The following TSPAN9 variants were observed in gnomAD, a reference collection of about 807,000 sequenced individuals.
TSPAN9 encodes the protein tetraspanin 9, also known as tetraspanin-9.
Under a neutral mutation model 31.0 loss-of-function variants are expected in TSPAN9, and 16 were observed. The observed-to-expected ratio is 0.52, with a 90% CI of 0.35 to 0.78. The LOEUF is 0.78. Ranked by LOEUF, TSPAN9 falls within the 30% of genes least tolerant of loss-of-function variation. TSPAN9 has a pLI of 0.01. For synonymous variants in TSPAN9, 145 were observed against 121.6 expected, an observed-to-expected ratio of 1.19 and a Z score of -1.27; for missense variants, 272 against 312.5, an observed-to-expected ratio of 0.87 and a Z score of 0.98.
chr12:3,205,727 C>CCT (rs1555151754), intron 3 of TSPAN9, among the ~76,000 whole-genome samples: 1 of 37,904 alleles, frequency 2.6e-5, no homozygotes, highest in African/African-American at 5.4e-5. Context: ...GGCCCCCCCC[C>CCT]CCCAGAGTGC....
intron 3 of TSPAN9, chr12:3,206,539 T>C: frequency 4.6e-6 from 1 of 218,360 alleles, no homozygotes; most frequent in Admixed American, 4.7e-5. Context: ...CTCTGAAATG[T>C]TTATTCCTGT....
At chr12:3,281,487 TGGG>T (rs1180254512) in intron 7 of TSPAN9, among the ~76,000 whole-genome samples, 158 bp downstream of exon 7, 1 of 134,992 alleles carries the variant, frequency 7.4e-6, no homozygotes, top group African/African-American at 2.8e-5. Context: ...AGGTGGAAAA[TGGG>T]GGGTGGGGCT....
chr12:3,151,988 G>A (rs773925109), intron 2 of TSPAN9, among the ~76,000 whole-genome samples: 3 of 152,222 alleles, frequency 2.0e-5, no homozygotes, highest in Admixed American at 6.5e-5. Context: ...ACAATCAGGC[G>A]TAAGTAAATT....
At chr12:3,201,843 C>T (rs541727342) in intron 3 of TSPAN9, among the ~76,000 whole-genome samples, 21 of 152,298 alleles carry the variant, frequency 1.4e-4, no homozygotes, top group African/African-American at 4.3e-4. Context: ...CAGATATGCT[C>T]CCGAGTTGGG....
intron 2 of TSPAN9, among the ~76,000 whole-genome samples, chr12:3,110,314 G>A (rs1473440074): frequency 2.0e-5 from 3 of 152,154 alleles, no homozygotes; most frequent in Non-Finnish European, 4.4e-5. Flanking sequence ...TCTGCTCTAG[G>A]AAATATTAAC....
rs71577820 is a variant in TSPAN9, at chr12:3,201,093, G to T, written c.-17-84G>T. The T allele has an allele frequency of 1.0e-3, 1,360 of 1,307,812 alleles. 2 individuals carry two copies. Among genetic ancestry groups the T allele is most frequent in the South Asian group, 2.2e-3 (180 of 80,256 alleles). 81.0% of individuals were successfully genotyped at this position (1,307,812 alleles called of 1,614,324 possible). A position where few individuals can be genotyped will look rare whatever the true frequency, so the allele number is the denominator to read the frequency against. ...CGGGGCCAGAGCCGCGCCGAGGCCG[G>T]CGTTAAGACCGACAAGTGCAATGCA... On this transcript the variant is annotated intron_variant, in intron 2 of 8. Transcript: ENST00000011898.
chr12:3,226,777 TATA>T lies in TSPAN9; in HGVS notation c.63+25522_63+25524del. On this transcript the variant is annotated intron_variant, in intron 3 of 8. Transcript: ENST00000011898. ...ATATATATATATATATATATATATA[TATA>T]TATATATATATATATTTTTTTTTTT... is the stretch of plus-strand genomic sequence containing the variant. 2.0e-3 allele frequency among the ~76,000 whole-genome samples: 14 copies of T among 7,154 alleles called. 4 individuals carry two copies. Among genetic ancestry groups the T allele is most frequent in the Non-Finnish European group, 3.4e-3 (11 of 3,220 alleles). 4.7% of individuals were successfully genotyped at this position (7,154 alleles called of 152,430 possible).
rs938013325 is a variant in TSPAN9 at position 3,285,633 on chromosome 12, G to A, written c.*2517G>A. 6.6e-5 allele frequency: 10 copies of A among 152,260 alleles called. No individual in the cohort carries two copies. The highest frequency in any genetic ancestry group is 2.6e-4 in the Admixed American group (4 of 15,290). 9.4% of individuals were successfully genotyped at this position (152,260 alleles called of 1,614,324 possible). ...GCCACACCCAGCGATGCCAGTGAAG[G>A]TGGCACAGCCTCTCTTCAGTTTCTC... On this transcript the variant is annotated 3_prime_UTR_variant, in exon 9 of 9. Transcript: ENST00000011898.
chr12:3,164,312 G>A (rs887954241), intron 2 of TSPAN9, among the ~76,000 whole-genome samples: 2 of 152,244 alleles, frequency 1.3e-5, no homozygotes, highest in Admixed American at 6.5e-5. Context: ...TGAAAGAGGA[G>A]TTTGCTTTAC....
At chr12:3,221,357 TC>T (rs57225237) in intron 3 of TSPAN9, among the ~76,000 whole-genome samples, 18,875 of 94,184 alleles carry the variant, frequency 0.2, 1,998 homozygotes, top group South Asian at 0.51. Context: ...AAAATATTTT[TC>T]TCTTTTTTTT....
intron 2 of TSPAN9, among the ~76,000 whole-genome samples, chr12:3,105,690 G>C (rs558243560): frequency 4.5e-4 from 68 of 152,008 alleles, no homozygotes; most frequent in African/African-American, 1.5e-3. Context: ...CTCAAGGAGT[G>C]TACATGCCCC....
chr12:3,084,911 G>C (rs2098299656), intron 2 of TSPAN9, among the ~76,000 whole-genome samples: 1 of 152,210 alleles, frequency 6.6e-6, no homozygotes, highest in Non-Finnish European at 1.5e-5. Flanking sequence ...CCCTGAGCCT[G>C]CTTGTGGCAG....
chr12:3,204,251 G>A (rs1355203720), intron 3 of TSPAN9, among the ~76,000 whole-genome samples: 3 of 152,180 alleles, frequency 2.0e-5, no homozygotes, highest in Admixed American at 6.5e-5. Flanking sequence ...CAAACTCACC[G>A]CTGCCGCCAC....
intron 2 of TSPAN9, among the ~76,000 whole-genome samples, chr12:3,146,320 A>T (rs2098337233): frequency 6.6e-6 from 1 of 151,990 alleles, no homozygotes. Context: ...GCCCTCGGGG[A>T]GCTTAGGGTG....
chr12:3,283,071 C>T lies in TSPAN9; in HGVS notation c.675C>T (p.Thr225=). The part of the protein sequence containing the change: ...MQILGMAFSM[T]LFQHIHRTGK... ...TCCTGGGCATGGCCTTCTCCATGACCCTCTTCCAGCACATCCACCGGACTG... is the reference window on the plus strand; with the variant it reads ...TCCTGGGCATGGCCTTCTCCATGACTCTCTTCCAGCACATCCACCGGACTG... Residue 225 remains threonine (T), a synonymous_variant, in exon 9 of 9, where the codon ACC becomes ACT. Coordinates refer to ENST00000011898, the MANE Select transcript of TSPAN9 (RefSeq NM_006675.5). 6.2e-7 allele frequency: 1 copy of T among 1,609,522 alleles called. No individual in the cohort carries two copies. The highest frequency in any genetic ancestry group is 1.1e-5 in the South Asian group (1 of 91,074).
intron 2 of TSPAN9, among the ~76,000 whole-genome samples, chr12:3,108,639 T>G (rs2098315912): frequency 1.3e-5 from 2 of 152,192 alleles, no homozygotes; most frequent in Non-Finnish European, 2.9e-5. Flanking sequence ...ATGGTCTCCT[T>G]CCCCCGTTTT....
chr12:3,131,634 G>A (rs1473748278), intron 2 of TSPAN9, among the ~76,000 whole-genome samples: 4 of 152,146 alleles, frequency 2.6e-5, no homozygotes, highest in South Asian at 4.1e-4. Context: ...CTTGGCTTCC[G>A]GGAGGTTCCA....
At chr12:3,209,865 A>G (rs753986329) in intron 3 of TSPAN9, among the ~76,000 whole-genome samples, 1 of 150,028 alleles carries the variant, frequency 6.7e-6, no homozygotes, top group African/African-American at 2.5e-5. Context: ...AGGCTGAGGC[A>G]GGAGAATGGC....
chr12:3,219,269 C>T (rs888637178), intron 3 of TSPAN9, among the ~76,000 whole-genome samples: 1 of 152,214 alleles, frequency 6.6e-6, no homozygotes, highest in African/African-American at 2.4e-5. Flanking sequence ...ATGACAGTGA[C>T]ATGCAACCTG....
Sources: allele counts gnomAD v4.1 joint callset (sites outside exome capture counted in the v4.1 genomes callset), GRCh38; gene constraint gnomAD v4.1.1; transcripts MANE v1.5; gene names NCBI Gene and HGNC (gene_info 2026-07-23, HGNC 2026-07-21).